The following GTF3C1 variants were observed in gnomAD, a reference collection of about 807,000 sequenced individuals.
GTF3C1 encodes general transcription factor 3C polypeptide 1.
In GTF3C1, 57 loss-of-function variants were observed where a neutral mutation model predicts 226.7. That is an observed-to-expected ratio of 0.25 (90% CI 0.20 to 0.31). The LOEUF is 0.31. Ranked by LOEUF, GTF3C1 falls within the 10% of genes least tolerant of loss-of-function variation. The pLI, the probability that GTF3C1 is intolerant of heterozygous loss-of-function variation, is 1.00. For missense variants in GTF3C1, 2,217 were observed against 2,776.1 expected, an observed-to-expected ratio of 0.80 and a Z score of 4.53; for synonymous variants, 1,090 against 1,084.8, an observed-to-expected ratio of 1.00 and a Z score of -0.09.
At chr16:27,542,096 C>G (rs745434384) in intron 2 of GTF3C1, among the ~76,000 whole-genome samples, 28 of 152,238 alleles carry the variant, frequency 1.8e-4, no homozygotes, top group Admixed American at 1.8e-3. Context: ...TTTGAAACCT[C>G]TGCCTTGTGT....
chr16:27,499,037 G>A (rs115851524), intron 12 of GTF3C1, among the ~76,000 whole-genome samples: 1,529 of 152,284 alleles, frequency 0.01, 24 homozygotes, highest in African/African-American at 0.035. Context: ...GGCCGTCACA[G>A]CCCACTGGTC....
chr16:27,478,397 C>A (rs1243819000), intron 28 of GTF3C1, 72 bp downstream of exon 28: 1 of 1,055,180 alleles, frequency 9.5e-7, no homozygotes. Context: ...TAGATTACCC[C>A]AGTGCAATAG....
chr16:27,524,936 C>T (rs1429452964), intron 6 of GTF3C1, among the ~76,000 whole-genome samples: 1 of 152,032 alleles, frequency 6.6e-6, no homozygotes, highest in African/African-American at 2.4e-5. Context: ...GGCAGATCAC[C>T]TGAGGTCAGG....
Position 27,486,106 on chromosome 16 carries a change from G to T in GTF3C1, c.3749C>A (p.Ala1250Asp). The T allele has an allele frequency of 6.2e-7, 1 of 1,606,946 alleles. No individual in the cohort carries two copies. Among genetic ancestry groups the T allele is most frequent in the Non-Finnish European group, 8.5e-7 (1 of 1,173,642 alleles). Reference sequence around the variant, plus strand: ...CATCCGCTGCAGGGCACTCTGGTCGGCTTCATCATGGTAGCGCAGCCTTTT... The same window carrying T: ...CATCCGCTGCAGGGCACTCTGGTCGTCTTCATCATGGTAGCGCAGCCTTTT... ...KSKRLRYHDE[A>D]DQSALQRMTR... The change falls in exon 24 of 37, where the codon GCC becomes GAC. Residue 1250 changes from alanine to aspartate, a missense_variant. Transcript: ENST00000356183.
chr16:27,535,122 T>C (rs1434637292), intron 4 of GTF3C1, among the ~76,000 whole-genome samples: 1 of 152,232 alleles, frequency 6.6e-6, no homozygotes, highest in Non-Finnish European at 1.5e-5. Context: ...CGGTGCCATT[T>C]GCAGTGGAGG....
At position 27,462,255 on chromosome 16, in the gene GTF3C1, C is replaced by A; in HGVS notation, c.6117+39G>T. 1 of 1,467,350 alleles carries A rather than the reference C, an allele frequency of 6.8e-7. No homozygotes were observed. The highest frequency in any genetic ancestry group is 9.2e-7 in the Non-Finnish European group (1 of 1,082,822). 90.9% of individuals were successfully genotyped at this position (1,467,350 alleles called of 1,614,324 possible). ...CAGCCGGGCCACTGAGTGCACCCAG[C>A]CGCCTCCACACCCTGCTGAACCCAG... is the stretch of plus-strand genomic sequence containing the variant. On this transcript the variant is annotated intron_variant, in intron 36 of 36. Transcript: ENST00000356183. This position sits in a 1 kb window ranked among gnomAD's most constrained non-coding sequence, Gnocchi z 4.5.
intron 10 of GTF3C1, among the ~76,000 whole-genome samples, chr16:27,505,482 G>A (rs977577522): frequency 6.6e-6 from 1 of 152,296 alleles, no homozygotes; most frequent in East Asian, 1.9e-4. Context: ...GTGTGGCACT[G>A]AGAACTGTCT....
At chr16:27,535,331 G>A (rs1391803076) in intron 4 of GTF3C1, among the ~76,000 whole-genome samples, 1 of 152,196 alleles carries the variant, frequency 6.6e-6, no homozygotes, top group East Asian at 1.9e-4. Context: ...CCAGCACTTT[G>A]GGAGGCCGAG....
chr16:27,518,914 C>T (rs759981707), intron 6 of GTF3C1, among the ~76,000 whole-genome samples: 4 of 152,192 alleles, frequency 2.6e-5, no homozygotes, highest in African/African-American at 4.8e-5. Context: ...CATTCAAGGG[C>T]CCTAGCGTAA....
At chr16:27,467,288 T>G (rs1049807160) in intron 32 of GTF3C1, among the ~76,000 whole-genome samples, 5 of 152,238 alleles carry the variant, frequency 3.3e-5, no homozygotes, top group African/African-American at 1.2e-4. Flanking sequence ...AGAATTACGC[T>G]AAATCTATTC....
intron 16 of GTF3C1, 128 bp from the exon 17 acceptor site, chr16:27,493,424 T>A: frequency 1.6e-6 from 1 of 638,566 alleles, no homozygotes; most frequent in East Asian, 2.8e-5. Flanking sequence ...CTCTCCTTCC[T>A]GCCCCACCAA....
In GTF3C1 at chr16:27,504,328, C is replaced by T. The variant is rs1034628457; in HGVS notation, c.1771-1333G>A. ...GGGATGGCAGAGGGAGGAAGGCAGG[C>T]GGGACTCCAGGGGAGCTGCTGGGCT... On this transcript the variant is annotated intron_variant, in intron 10 of 36. Transcript: ENST00000356183. Among the ~76,000 whole-genome samples, 15 of 152,248 alleles carry T rather than the reference C, an allele frequency of 9.9e-5. No individual in the cohort carries two copies. The East Asian group carries it at 1.7e-3, about 18-fold the overall frequency.
chr16:27,462,214 T>C lies in GTF3C1; in HGVS notation c.6117+80A>G, dbSNP rs1022360939. On this transcript the variant is annotated intron_variant, in intron 36 of 36. Transcript: ENST00000356183. This position sits in a 1 kb window ranked among gnomAD's most constrained non-coding sequence, Gnocchi z 4.5. ...CAGTATGGTGGTACTGCATGTTGCC[T>C]GGGGCCTGAACATCACAGCCGGGCC... The C allele has an allele frequency of 2.0e-6, 2 of 991,692 alleles. No individual in the cohort carries two copies. The highest frequency in any genetic ancestry group is 3.2e-5 in the African/African-American group (2 of 62,480). 61.4% of individuals were successfully genotyped at this position (991,692 alleles called of 1,614,324 possible).
intron 12 of GTF3C1, among the ~76,000 whole-genome samples, chr16:27,499,658 C>T (rs2088375836): frequency 6.6e-6 from 1 of 152,238 alleles, no homozygotes; most frequent in African/African-American, 2.4e-5. Flanking sequence ...TGCCCCCACC[C>T]CCAACCACCA....
At chr16:27,512,327 T>C (rs573295674) in intron 6 of GTF3C1, among the ~76,000 whole-genome samples, 1 of 152,300 alleles carries the variant, frequency 6.6e-6, no homozygotes, top group East Asian at 1.9e-4. Flanking sequence ...AAGCATCTTT[T>C]TCCTTTTAAG....
intron 7 of GTF3C1, 70 bp from the exon 8 acceptor site, chr16:27,508,725 C>G: frequency 9.0e-7 from 1 of 1,110,154 alleles, no homozygotes; most frequent in Non-Finnish European, 1.3e-6. Context: ...AGTTTCCAGC[C>G]CACTTTTTCA....
intron 7 of GTF3C1, 48 bp from the exon 8 acceptor site, chr16:27,508,703 TC>T: frequency 7.3e-7 from 1 of 1,364,432 alleles, no homozygotes; most frequent in Non-Finnish European, 1.0e-6. Flanking sequence ...AAGGAGCTGT[TC>T]TGCACAAGTC....
chr16:27,515,474 AAAAC>A (rs1379915172), intron 6 of GTF3C1, among the ~76,000 whole-genome samples: 62 of 152,042 alleles, frequency 4.1e-4, no homozygotes, highest in Non-Finnish European at 3.5e-4. Flanking sequence ...ACAAAAAAAA[AAAAC>A]AAAAAAAACC....
chr16:27,471,654 C>A lies in GTF3C1; in HGVS notation c.4526+94G>T. Reference sequence around the variant, plus strand: ...AGGCTGCGAAGGTCCCTGGCTCCTACACGCTTTCATGGCCACAGTGCTTCC... The same window carrying A: ...AGGCTGCGAAGGTCCCTGGCTCCTAAACGCTTTCATGGCCACAGTGCTTCC... On this transcript the variant is annotated intron_variant, in intron 30 of 36. Coordinates refer to ENST00000356183, the MANE Select transcript of GTF3C1 (RefSeq NM_001520.4). The surrounding 1 kb of genome is among the most constrained non-coding windows in gnomAD (Gnocchi z 5.0). 9.8e-7 allele frequency: 1 copy of A among 1,021,130 alleles called. No individual in the cohort carries two copies. The highest frequency in any genetic ancestry group is 1.5e-6 in the Non-Finnish European group (1 of 669,718). The allele number at this position is 1,021,130 out of a possible 1,614,324, so 63.3% of individuals were successfully genotyped here. A position where few individuals can be genotyped will look rare whatever the true frequency, so the allele number is the denominator to read the frequency against.
Sources: allele counts gnomAD v4.1 joint callset (sites outside exome capture counted in the v4.1 genomes callset), GRCh38; gene constraint gnomAD v4.1.1; non-coding constraint Gnocchi (gnomAD v3.1); transcripts MANE v1.5; gene names NCBI Gene and HGNC (gene_info 2026-07-23, HGNC 2026-07-21).